TNRC18: variants seen among roughly 807,000 people sequenced by gnomAD.
The protein encoded by TNRC18 is trinucleotide repeat containing 18.
Under a neutral mutation model 226.7 loss-of-function variants are expected in TNRC18, and 69 were observed. The observed-to-expected ratio is 0.30, with a 90% CI of 0.25 to 0.37. The LOEUF is 0.37. Among genes scored for constraint, TNRC18 ranks in the 10% least tolerant of loss-of-function variants. The pLI is 1.00. For missense variants in TNRC18, 4,754 were observed against 4,256.6 expected (o/e 1.12, Z -3.25); for synonymous variants, 2,449 against 1,927.6 (o/e 1.27, Z -7.09).
In TNRC18 at chr7:5,402,711, G is replaced by A. The variant is rs923223949; in HGVS notation, c.188-8116C>T. On this transcript the variant is annotated intron_variant, in intron 2 of 29. Transcript: ENST00000430969. ...TCTACTAAAAATATAAAAACTAGCCGGGCGTGGTGGTGGACGCCTATAATC... is the reference window on the plus strand; with the variant it reads ...TCTACTAAAAATATAAAAACTAGCCAGGCGTGGTGGTGGACGCCTATAATC... 3.3e-5 allele frequency among the ~76,000 whole-genome samples: 5 copies of A among 151,794 alleles called. No individual in the cohort carries two copies. In the East Asian group the frequency reaches 9.7e-4, roughly 29 times the overall value.
rs1420698236 is a variant in TNRC18 at position 5,309,083 on chromosome 7, T to A, written c.8625+49A>T. The A allele has an allele frequency of 1.3e-6, 2 of 1,539,396 alleles. No individual in the cohort carries two copies. The highest frequency in any genetic ancestry group is 2.7e-5 in the African/African-American group (2 of 72,894). ...ACCCAGAACGCCTCGCCCTCAGGTCTGCCCTACACCGCCTAGGACTGGGGG... is the reference window on the plus strand; with the variant it reads ...ACCCAGAACGCCTCGCCCTCAGGTCAGCCCTACACCGCCTAGGACTGGGGG... On this transcript the variant is annotated intron_variant, in intron 28 of 29. Transcript: ENST00000430969. The surrounding 1 kb of genome is among the most constrained non-coding windows in gnomAD (Gnocchi z 5.7).
chr7:5,405,851 C>T (rs562947913), intron 2 of TNRC18, among the ~76,000 whole-genome samples: 4 of 152,298 alleles, frequency 2.6e-5, no homozygotes, highest in South Asian at 4.2e-4. Context: ...ATCACTTGAG[C>T]TCAGGAGTTT....
intron 2 of TNRC18, among the ~76,000 whole-genome samples, chr7:5,407,596 A>T (rs370729864): frequency 3.3e-5 from 5 of 152,248 alleles, no homozygotes; most frequent in Admixed American, 1.3e-4. Context: ...AAATATGGGC[A>T]GGGACTTTGT....
chr7:5,418,733 G>A (rs1002297095), intron 2 of TNRC18, among the ~76,000 whole-genome samples: 41 of 152,208 alleles, frequency 2.7e-4, no homozygotes, highest in African/African-American at 9.4e-4. Context: ...TGCGTCAGAA[G>A]GGAAAATGTA....
rs181453125 is a variant in TNRC18, at chr7:5,387,533, G to A, written c.2152+139C>T. On this transcript the variant is annotated intron_variant, in intron 5 of 29. Transcript: ENST00000430969. ...TGAACCATGGTACATGCTCGCAACAGAACATTCAAGACCATTTTAAAAAAT... is the reference window on the plus strand; with the variant it reads ...TGAACCATGGTACATGCTCGCAACAAAACATTCAAGACCATTTTAAAAAAT... 6 of 1,248,114 alleles carry A rather than the reference G, an allele frequency of 4.8e-6. No individual in the cohort carries two copies. In the East Asian group the frequency reaches 9.6e-5, roughly 20 times the overall value. The allele number at this position is 1,248,114 out of a possible 1,614,324, so 77.3% of individuals were successfully genotyped here.
At position 5,312,391 on chromosome 7, in the gene TNRC18, C is replaced by G. The variant is rs1319894113; in HGVS notation, c.8388+112G>C. Reference sequence around the variant, plus strand: ...TAAAGTGGGACGCCAGCCCTCCACCCTGGGGTTCTGGGAGGTTACCACACA... The same window carrying G: ...TAAAGTGGGACGCCAGCCCTCCACCGTGGGGTTCTGGGAGGTTACCACACA... On this transcript the variant is annotated intron_variant, in intron 27 of 29. Transcript: ENST00000430969. The surrounding 1 kb of genome is among the most constrained non-coding windows in gnomAD (Gnocchi z 6.3). 1.4e-6 allele frequency: 2 copies of G among 1,442,222 alleles called. No homozygotes were observed. 89.3% of individuals were successfully genotyped at this position (1,442,222 alleles called of 1,614,324 possible). A position where few individuals can be genotyped will look rare whatever the true frequency, so the allele number is the denominator to read the frequency against.
intron 2 of TNRC18, among the ~76,000 whole-genome samples, chr7:5,409,310 A>T (rs1020842074): frequency 9.2e-5 from 14 of 152,178 alleles, no homozygotes. Flanking sequence ...TTAATATCCT[A>T]GTAATGGGAA....
chr7:5,319,477 G>C (rs1328678014), intron 24 of TNRC18, among the ~76,000 whole-genome samples: 1 of 152,098 alleles, frequency 6.6e-6, no homozygotes, highest in Non-Finnish European at 1.5e-5. Context: ...ACATTTCCTA[G>C]GGTACCTGTT....
At chr7:5,384,940 G>C (rs1158994857) in intron 5 of TNRC18, among the ~76,000 whole-genome samples, 2 of 152,262 alleles carry the variant, frequency 1.3e-5, no homozygotes, top group Non-Finnish European at 2.9e-5. Flanking sequence ...GCTGGATGAA[G>C]AGAATTCCAA....
chr7:5,318,404 A>G (rs1242360771), intron 24 of TNRC18, among the ~76,000 whole-genome samples: 2 of 152,190 alleles, frequency 1.3e-5, no homozygotes, highest in Admixed American at 6.6e-5. Flanking sequence ...AAATCTCTCC[A>G]TAAGTTGAAC....
At chr7:5,345,527 C>T in intron 18 of TNRC18, 35 bp downstream of exon 18, 1 of 332,468 alleles carries the variant, frequency 3.0e-6, no homozygotes, top group Non-Finnish European at 4.9e-6. Context: ...GCCCCTCCCA[C>T]CCACCCCCAC....
At chr7:5,345,528 C>G in intron 18 of TNRC18, 34 bp downstream of exon 18, 2 of 534,162 alleles carry the variant, frequency 3.7e-6, no homozygotes, top group Non-Finnish European at 5.4e-6. Flanking sequence ...CCCCTCCCAC[C>G]CACCCCCACC....
chr7:5,348,996 G>A (rs4265101), intron 17 of TNRC18, among the ~76,000 whole-genome samples: 5,727 of 151,996 alleles, frequency 0.038, 215 homozygotes, highest in African/African-American at 0.084. Context: ...GGGGTTGGAC[G>A]TGAGGCCAGG....
Position 5,370,466 on chromosome 7 carries a change from G to C in TNRC18, c.4128C>G (p.Ser1376Arg), listed in dbSNP as rs371935752. ...QALEKLEAAE[S>R]LVLEQSFLHG... The stretch of plus-strand genomic sequence containing the variant: ...GCAGGAAGCTCTGCTCCAAGACAAG[G>C]CTCTCGGCTGCTTCCAGCTTCTCCA... The change falls in exon 11 of 30, where the codon AGC (serine) becomes AGG (arginine). Residue 1376 changes from serine to arginine, a missense_variant. Ser to Arg is a moderately radical substitution (Grantham distance 110, BLOSUM62 -1). Coordinates refer to ENST00000430969, the MANE Select transcript of TNRC18 (RefSeq NM_001080495.3). The C allele has an allele frequency of 3.2e-6, 5 of 1,577,000 alleles. No homozygotes were observed. Among genetic ancestry groups the C allele is most frequent in the Non-Finnish European group, 3.4e-6 (4 of 1,161,264 alleles).
chr7:5,368,602 TTGCAGTGAGCCGAGA>T, intron 11 of TNRC18, among the ~76,000 whole-genome samples: 1 of 145,840 alleles, frequency 6.9e-6, no homozygotes, highest in East Asian at 2.0e-4. Context: ...GAGGCGGAAG[TTGCAGTGAGCCGAGA>T]TGGCACCACT....
intron 15 of TNRC18, among the ~76,000 whole-genome samples, 175 bp downstream of exon 15, chr7:5,359,223 C>T (rs1047962621): frequency 6.6e-6 from 1 of 152,138 alleles, no homozygotes; most frequent in East Asian, 1.9e-4. Flanking sequence ...GGGCCTTAAT[C>T]TCCCCCTCTG....
chr7:5,342,656 T>C (rs1366535366), intron 18 of TNRC18, among the ~76,000 whole-genome samples: 1 of 152,188 alleles, frequency 6.6e-6, no homozygotes, highest in African/African-American at 2.4e-5. Context: ...TTTCTTGAGA[T>C]GGCATCTACT....
intron 21 of TNRC18, among the ~76,000 whole-genome samples, chr7:5,323,471 C>T (rs1409017682): frequency 2.0e-5 from 3 of 151,738 alleles, no homozygotes; most frequent in African/African-American, 7.3e-5. Flanking sequence ...ATGGCAGCCC[C>T]AGGCTACAAC....
intron 24 of TNRC18, among the ~76,000 whole-genome samples, chr7:5,317,531 C>T (rs1236810018): frequency 1.3e-5 from 2 of 151,964 alleles, no homozygotes; most frequent in Non-Finnish European, 2.9e-5. Context: ...GTGGAGGCTG[C>T]AGTAAGCTGA....
Sources: allele counts gnomAD v4.1 joint callset (sites outside exome capture counted in the v4.1 genomes callset), GRCh38; gene constraint gnomAD v4.1.1; non-coding constraint Gnocchi (gnomAD v3.1); transcripts MANE v1.5; gene names NCBI Gene and HGNC (gene_info 2026-07-23, HGNC 2026-07-21).